The following LHFPL3 variants were observed in gnomAD, a reference collection of about 807,000 sequenced individuals.
LHFPL3 encodes LHFPL tetraspan subfamily member 3 protein.
Under a neutral mutation model 19.3 loss-of-function variants are expected in LHFPL3, and 5 were observed. The ratio of observed to expected loss-of-function variants is 0.26; its 90% confidence interval spans 0.14 to 0.54. The LOEUF (loss-of-function observed/expected upper bound fraction) is 0.54. Among genes scored for constraint, LHFPL3 ranks in the 20% least tolerant of loss-of-function variants. The pLI is 0.94. For synonymous variants in LHFPL3, 133 were observed against 126.2 expected (o/e 1.05, Z -0.36); for missense variants, 249 against 307.4 (o/e 0.81, Z 1.42).
Position 104,513,499 on chromosome 7 carries a change from C to A in LHFPL3, c.445+184275C>A, listed in dbSNP as rs566394401. On this transcript the variant is annotated intron_variant, in intron 1 of 2. Transcript: ENST00000424859. ...GGGAATTTCACTTTTTATTTTGGAA[C>A]TGTCCCTGGTGTTCCTGTGGTTTTA... Among the ~76,000 whole-genome samples the A allele has an allele frequency of 1.2e-4, 18 of 152,310 alleles. No homozygotes were observed. The South Asian group carries it at 3.3e-3, about 28-fold the overall frequency.
chr7:104,762,468 C>A (rs11978327), intron 2 of LHFPL3, among the ~76,000 whole-genome samples: 1 of 151,932 alleles, frequency 6.6e-6, no homozygotes, highest in South Asian at 2.1e-4. Context: ...GAACTAAATA[C>A]GGAAGAGGAG....
intron 1 of LHFPL3, among the ~76,000 whole-genome samples, chr7:104,665,897 C>CCAAGTTCAGTTCTGCAAGCAAGT (rs1792325420): frequency 6.6e-6 from 1 of 152,098 alleles, no homozygotes; most frequent in Admixed American, 6.6e-5. Flanking sequence ...TCCTGCTGCT[C>CCAAGTTCAGTTCTGCAAGCAAGT]ATCTCTTCTG....
intron 2 of LHFPL3, among the ~76,000 whole-genome samples, chr7:104,782,131 G>T (rs1036329389): frequency 1.3e-5 from 2 of 152,188 alleles, no homozygotes; most frequent in Admixed American, 6.5e-5. Flanking sequence ...TGGGCTGGAG[G>T]TTCTAAGATG....
intron 1 of LHFPL3, among the ~76,000 whole-genome samples, chr7:104,349,691 T>A (rs1440352176): frequency 6.6e-6 from 1 of 152,220 alleles, no homozygotes; most frequent in Non-Finnish European, 1.5e-5. Context: ...CTGCACGTTC[T>A]GCACATGTAT....
Position 104,404,262 on chromosome 7 carries a change from T to A in LHFPL3, c.445+75038T>A, listed in dbSNP as rs185784167. Reference sequence around the variant, plus strand: ...GTTAATTATTTTCTGATTTTCCTACTTCCTATAACAGATATTCATAAAATA... The same window carrying A: ...GTTAATTATTTTCTGATTTTCCTACATCCTATAACAGATATTCATAAAATA... On this transcript the variant is annotated intron_variant, in intron 1 of 2. Coordinates refer to ENST00000424859, the MANE Select transcript of LHFPL3 (RefSeq NM_199000.3). Among the ~76,000 whole-genome samples the A allele has an allele frequency of 4.5e-4, 69 of 152,334 alleles. 1 individual carries two copies. The highest frequency in any genetic ancestry group is 1.6e-3 in the African/African-American group (68 of 41,580).
intron 2 of LHFPL3, chr7:104,798,518 C>G (rs1334482369): frequency 6.6e-6 from 1 of 152,176 alleles, no homozygotes; most frequent in Non-Finnish European, 1.5e-5. Flanking sequence ...GCGTATAGAA[C>G]TACACCTATG....
chr7:104,633,937 C>A (rs912165949), intron 1 of LHFPL3, among the ~76,000 whole-genome samples: 1 of 152,202 alleles, frequency 6.6e-6, no homozygotes, highest in African/African-American at 2.4e-5. Flanking sequence ...TGACAGCCAG[C>A]AGCTGGTGTT....
chr7:104,781,334 G>T (rs1160612448), intron 2 of LHFPL3, among the ~76,000 whole-genome samples: 1 of 152,100 alleles, frequency 6.6e-6, no homozygotes, highest in African/African-American at 2.4e-5. Flanking sequence ...CCTTATGGCT[G>T]CTACACATTT....
rs563955552 is a variant in LHFPL3, at chr7:104,615,085, C to T, written c.446-121590C>T. On this transcript the variant is annotated intron_variant, in intron 1 of 2. Transcript: ENST00000424859. ...ACCTGTCTTTTACTTGATTTTTCCC[C>T]TTGATAAGTCAAGTAAACATATATA... is the stretch of plus-strand genomic sequence containing the variant. Among the ~76,000 whole-genome samples, 17 of 152,156 alleles carry T rather than the reference C, an allele frequency of 1.1e-4. 1 individual carries two copies. The South Asian group carries it at 3.5e-3, about 32-fold the overall frequency.
intron 1 of LHFPL3, chr7:104,668,827 A>T (rs1792416032): frequency 1.2e-6 from 2 of 1,603,686 alleles, no homozygotes; most frequent in Admixed American, 3.4e-5. Flanking sequence ...CTATCTTTGG[A>T]GGGGCAAAGC....
chr7:104,531,937 TG>T (rs909489105), intron 1 of LHFPL3, among the ~76,000 whole-genome samples: 1 of 152,010 alleles, frequency 6.6e-6, no homozygotes, highest in African/African-American at 2.4e-5. Context: ...TTGGTGGCTT[TG>T]GTTTAACACT....
rs754161026 is a variant in LHFPL3 at position 104,400,000 on chromosome 7, A to C, written c.445+70776A>C. ...ATGCCTGTAATCCCAGCTACCCGGG[A>C]GGCTGAGGCTGAAGAATCCTTTGAA... is the stretch of plus-strand genomic sequence containing the variant. On this transcript the variant is annotated intron_variant, in intron 1 of 2. Transcript: ENST00000424859. This position sits in a 1 kb window ranked among gnomAD's most constrained non-coding sequence, Gnocchi z 4.4. 1.3e-5 allele frequency among the ~76,000 whole-genome samples: 2 copies of C among 150,306 alleles called. No individual in the cohort carries two copies. The highest frequency in any genetic ancestry group is 3.0e-5 in the Non-Finnish European group (2 of 67,670).
intron 1 of LHFPL3, among the ~76,000 whole-genome samples, chr7:104,472,369 C>A (rs1401869700): frequency 6.6e-6 from 1 of 152,120 alleles, no homozygotes; most frequent in Non-Finnish European, 1.5e-5. Context: ...GAAACACTAT[C>A]CTCAAAGGCT....
chr7:104,619,786 C>G (rs889149814), intron 1 of LHFPL3, among the ~76,000 whole-genome samples: 2 of 152,058 alleles, frequency 1.3e-5, no homozygotes, highest in African/African-American at 4.8e-5. Flanking sequence ...ATACAGTAGT[C>G]CCCAATCTTT....
chr7:104,845,363 TTTCCTCC>T, intron 2 of LHFPL3: 1 of 1,428,346 alleles, frequency 7.0e-7, no homozygotes, highest in Non-Finnish European at 9.5e-7. Context: ...CGTTCTGTTT[TTTCCTCC>T]CACACTCTCA....
At position 104,793,030 on chromosome 7, in the gene LHFPL3, G is replaced by T. The variant is rs994733739; in HGVS notation, c.682+56119G>T. ...CCTGCCTGAGCCTCTTGAGTAGCTGGGATTACAGGCACCTGCCACCACACC... is the reference window on the plus strand; with the variant it reads ...CCTGCCTGAGCCTCTTGAGTAGCTGTGATTACAGGCACCTGCCACCACACC... On this transcript the variant is annotated intron_variant, in intron 2 of 2. Transcript: ENST00000424859. Among the ~76,000 whole-genome samples, 4 of 152,232 alleles carry T rather than the reference G, an allele frequency of 2.6e-5. No individual in the cohort carries two copies. In the East Asian group the frequency reaches 5.8e-4, roughly 22 times the overall value.
intron 1 of LHFPL3, among the ~76,000 whole-genome samples, chr7:104,457,722 G>A (rs1331929092): frequency 7.1e-6 from 1 of 141,664 alleles, no homozygotes; most frequent in African/African-American, 2.7e-5. Flanking sequence ...CTAGTTTACA[G>A]TCCCACCAAC....
At chr7:104,607,962 A>G (rs1791136706) in intron 1 of LHFPL3, among the ~76,000 whole-genome samples, 1 of 152,244 alleles carries the variant, frequency 6.6e-6, no homozygotes, top group African/African-American at 2.4e-5. Context: ...ATCTCACACC[A>G]GTTAGAATGG....
chr7:104,879,917 G>C (rs1188369222), intron 2 of LHFPL3, among the ~76,000 whole-genome samples: 1 of 152,182 alleles, frequency 6.6e-6, no homozygotes, highest in Non-Finnish European at 1.5e-5. Flanking sequence ...CAAAGAGCCA[G>C]GTGTGATGGT....
Sources: gnomAD v4.1 joint callset for allele counts (sites outside exome capture counted in the v4.1 genomes callset) on GRCh38, gnomAD v4.1.1 for gene constraint, Gnocchi (gnomAD v3.1) non-coding constraint, MANE v1.5 for transcripts, NCBI Gene and HGNC (gene_info 2026-07-23, HGNC 2026-07-21) for gene names.